MAD1L1: variants seen among roughly 807,000 people sequenced by gnomAD.
The protein encoded by MAD1L1 is mitotic arrest deficient 1 like 1.
MAD1L1 carries 95 observed loss-of-function variants against 96.9 expected under a neutral mutation model. The observed-to-expected ratio is 0.98, with a 90% confidence interval of 0.83 to 1.16. MAD1L1 has a LOEUF of 1.16. Ranked by LOEUF, MAD1L1 falls within the 50% of genes most tolerant of loss-of-function variation. The pLI is 0.00. For synonymous variants in MAD1L1, 473 were observed against 396.6 expected (o/e 1.19, Z -2.29); for missense variants, 1,007 against 954.4 (o/e 1.06, Z -0.73).
chr7:2,207,140 T>C (rs771962311), intron 10 of MAD1L1, among the ~76,000 whole-genome samples: 52 of 151,932 alleles, frequency 3.4e-4, no homozygotes, highest in Non-Finnish European at 5.7e-4. Flanking sequence ...GGGCTTTGAT[T>C]GGGACTATGT....
At chr7:1,919,496 G>C (rs1029414370) in intron 17 of MAD1L1, among the ~76,000 whole-genome samples, 1 of 152,254 alleles carries the variant, frequency 6.6e-6, no homozygotes, top group Non-Finnish European at 1.5e-5. Context: ...CCGCACTGGG[G>C]AATGGGCTCA....
chr7:2,007,229 G>A (rs1175796134), intron 13 of MAD1L1, among the ~76,000 whole-genome samples: 1 of 152,208 alleles, frequency 6.6e-6, no homozygotes, highest in Non-Finnish European at 1.5e-5. Context: ...TTGAAGCCAG[G>A]GCTAAATGTG....
At chr7:2,173,984 G>A (rs1006274213) in intron 10 of MAD1L1, among the ~76,000 whole-genome samples, 3 of 152,038 alleles carry the variant, frequency 2.0e-5, no homozygotes, top group South Asian at 2.1e-4. Flanking sequence ...TGCTATTGTT[G>A]CTGTTGTTGG....
chr7:1,889,637 G>A (rs906631730), intron 18 of MAD1L1, among the ~76,000 whole-genome samples: 4 of 152,238 alleles, frequency 2.6e-5, no homozygotes, highest in Non-Finnish European at 4.4e-5. Flanking sequence ...TCAGCCATGC[G>A]GCCTCCGTAG....
intron 13 of MAD1L1, among the ~76,000 whole-genome samples, chr7:2,004,166 C>A (rs1437888893): frequency 6.6e-6 from 1 of 152,196 alleles, no homozygotes; most frequent in Non-Finnish European, 1.5e-5. Flanking sequence ...CCACAGGCCA[C>A]CAGGCCAGAG....
intron 15 of MAD1L1, 93 bp downstream of exon 15, chr7:1,980,360 C>T: frequency 9.3e-7 from 1 of 1,073,212 alleles, no homozygotes; most frequent in Non-Finnish European, 1.4e-6. Context: ...CTGGGCGTAT[C>T]TGCCTCCTCC....
At chr7:2,129,120 A>T (rs1209325374) in intron 11 of MAD1L1, among the ~76,000 whole-genome samples, 1 of 152,170 alleles carries the variant, frequency 6.6e-6, no homozygotes, top group Non-Finnish European at 1.5e-5. Flanking sequence ...TCCCAGAGCC[A>T]GCTGGAAGGG....
At chr7:1,827,674 GGGGCCTCCCCTCCTGAGCCCGT>G (rs1782490966) in intron 18 of MAD1L1, among the ~76,000 whole-genome samples, 3 of 103,488 alleles carry the variant, frequency 2.9e-5, no homozygotes, top group Non-Finnish European at 6.6e-5. Flanking sequence ...CCCGGGTGTG[GGGGCCTCCCCTCCTGAGCCCGT>G]CCCGGGTGTG....
intron 12 of MAD1L1, among the ~76,000 whole-genome samples, chr7:2,066,063 G>A (rs1421062052): frequency 6.6e-6 from 1 of 152,182 alleles, no homozygotes; most frequent in Non-Finnish European, 1.5e-5. Context: ...TATACTCTTA[G>A]CTATCAGTAA....
intron 16 of MAD1L1, among the ~76,000 whole-genome samples, chr7:1,945,263 C>T (rs779846464): frequency 2.6e-5 from 4 of 152,228 alleles, no homozygotes; most frequent in Non-Finnish European, 4.4e-5. Flanking sequence ...TCCAGCTCCG[C>T]GGTGACAGGG....
At chr7:1,906,976 GC>G (rs915172895) in intron 17 of MAD1L1, among the ~76,000 whole-genome samples, 74 of 152,278 alleles carry the variant, frequency 4.9e-4, no homozygotes, top group African/African-American at 1.6e-3. Flanking sequence ...CAGATGAAAA[GC>G]CCTTAAAATC....
chr7:1,954,735 C>A (rs548825597), intron 16 of MAD1L1, among the ~76,000 whole-genome samples: 2 of 152,210 alleles, frequency 1.3e-5, no homozygotes, highest in Non-Finnish European at 2.9e-5. Flanking sequence ...CTCCTTCACA[C>A]GCAGGCTCCC....
intron 18 of MAD1L1, among the ~76,000 whole-genome samples, chr7:1,862,775 A>T (rs1423950923): frequency 1.3e-5 from 2 of 152,272 alleles, no homozygotes; most frequent in Non-Finnish European, 2.9e-5. Flanking sequence ...AAATGAAAAA[A>T]AACAGTGCTT....
At chr7:1,875,129 G>A (rs1055397484) in intron 18 of MAD1L1, among the ~76,000 whole-genome samples, 3 of 152,130 alleles carry the variant, frequency 2.0e-5, no homozygotes, top group African/African-American at 7.2e-5. Context: ...GACGACTAAC[G>A]AGCAGCTCCC....
chr7:1,847,785 G>T (rs112747351), intron 18 of MAD1L1: 14,790 of 447,222 alleles, frequency 0.033, 473 homozygotes, highest in Admixed American at 0.095. Flanking sequence ...AAGAATGAAC[G>T]AATCGGCCTG....
chr7:2,091,669 T>G lies in MAD1L1; in HGVS notation c.1074-22331A>C, dbSNP rs576028016. Among the ~76,000 whole-genome samples, 7 of 151,606 alleles carry G rather than the reference T, an allele frequency of 4.6e-5. No individual in the cohort carries two copies. The South Asian group carries it at 1.0e-3, about 23-fold the overall frequency. On this transcript the variant is annotated intron_variant, in intron 11 of 18. Coordinates refer to ENST00000265854, the MANE Select transcript of MAD1L1 (RefSeq NM_001013836.2). Reference sequence around the variant, plus strand: ...TGGGCGCCTGTAGTCCCAGCTACTCTGGAGGCTGAGGCAGAAGAATGGCGT... The same window carrying G: ...TGGGCGCCTGTAGTCCCAGCTACTCGGGAGGCTGAGGCAGAAGAATGGCGT...
At chr7:1,860,373 AGACTTGACATCCTGCG>A (rs1399162116) in intron 18 of MAD1L1, among the ~76,000 whole-genome samples, 17 of 75,468 alleles carry the variant, frequency 2.3e-4, no homozygotes, top group African/African-American at 5.2e-4. Context: ...CTGTGTCCCT[AGACTTGACATCCTGCG>A]GGGCGGCCTC....
At chr7:2,118,980 G>A (rs1212966754) in intron 11 of MAD1L1, among the ~76,000 whole-genome samples, 2 of 152,134 alleles carry the variant, frequency 1.3e-5, no homozygotes, top group Non-Finnish European at 2.9e-5. Context: ...AAGGCCAAAA[G>A]CTCCACACGC....
intron 18 of MAD1L1, among the ~76,000 whole-genome samples, chr7:1,888,174 C>T (rs1786261781): frequency 1.5e-5 from 2 of 131,004 alleles, no homozygotes; most frequent in African/African-American, 5.8e-5. Context: ...GTGCAGCTGC[C>T]TGTGCGTGTG....
Sources: allele counts gnomAD v4.1 joint callset (sites outside exome capture counted in the v4.1 genomes callset), GRCh38; gene constraint gnomAD v4.1.1; transcripts MANE v1.5; gene names NCBI Gene and HGNC (gene_info 2026-07-23, HGNC 2026-07-21).